The following CALCRL variants were observed in gnomAD, a reference collection of about 807,000 sequenced individuals.
The protein encoded by CALCRL is calcitonin receptor like receptor, also known as calcitonin gene-related peptide type 1 receptor.
In CALCRL, 27 loss-of-function variants were observed where a neutral mutation model predicts 60.4. That is an observed-to-expected ratio of 0.45 (90% CI 0.33 to 0.62). CALCRL has a LOEUF of 0.62. Among genes scored for constraint, CALCRL ranks in the 20% least tolerant of loss-of-function variants. CALCRL has a pLI of 0.03. For missense variants in CALCRL, 424 were observed against 540.7 expected, an observed-to-expected ratio of 0.78 and a Z score of 2.14; for synonymous variants, 190 against 182.6, an observed-to-expected ratio of 1.04 and a Z score of -0.33.
Position 187,378,989 on chromosome 2 carries a change from A to G in CALCRL, c.451T>C (p.Leu151=), listed in dbSNP as rs1483391527. ...GAGATAAGCAGTGATGCAATAGACA[A>G]TCCGTGTCCAATTATGGTCAGGTAA... ...LFYLTIIGHG[L]SIASLLISLG... is the part of the protein sequence containing the mutation. Residue 151 remains leucine, a synonymous_variant, in exon 8 of 15, where the codon TTG becomes CTG. Transcript: ENST00000392370. The G allele has an allele frequency of 1.2e-6, 2 of 1,608,400 alleles. No individual in the cohort carries two copies. Among genetic ancestry groups the G allele is most frequent in the Admixed American group, 3.3e-5 (2 of 59,966 alleles).
intron 1 of CALCRL, among the ~76,000 whole-genome samples, chr2:187,442,768 GCAAA>G (rs1443419467): frequency 6.6e-6 from 1 of 151,860 alleles, no homozygotes; most frequent in African/African-American, 2.4e-5. Flanking sequence ...CACACAAGTA[GCAAA>G]CAAATTTGTG....
chr2:187,354,936 G>C (rs1441958252), intron 12 of CALCRL, among the ~76,000 whole-genome samples: 1 of 151,904 alleles, frequency 6.6e-6, no homozygotes, highest in Non-Finnish European at 1.5e-5. Context: ...ATATTGTCTT[G>C]CATTTGTTCT....
intron 1 of CALCRL, among the ~76,000 whole-genome samples, chr2:187,403,923 GC>G (rs1355206967): frequency 5.3e-5 from 8 of 151,900 alleles, no homozygotes; most frequent in Non-Finnish European, 8.8e-5. Context: ...GCTGAATTAA[GC>G]TGTGCTTAAG....
chr2:187,390,641 T>G (rs1465033570), intron 1 of CALCRL, among the ~76,000 whole-genome samples: 2 of 152,168 alleles, frequency 1.3e-5, no homozygotes, highest in Non-Finnish European at 2.9e-5. Context: ...AATTAAAAAG[T>G]ATTCAACTCA....
chr2:187,359,472 G>A (rs554088529), intron 10 of CALCRL, among the ~76,000 whole-genome samples, 200 bp from the exon 11 acceptor site: 1 of 152,182 alleles, frequency 6.6e-6, no homozygotes, highest in South Asian at 2.1e-4. Context: ...TTGTGTTTGT[G>A]TGTTTATGTG....
intron 1 of CALCRL, among the ~76,000 whole-genome samples, chr2:187,402,017 AAGG>A (rs1197718798): frequency 6.6e-6 from 1 of 151,516 alleles, no homozygotes; most frequent in African/African-American, 2.4e-5. Context: ...GGCAGGAAGG[AAGG>A]AGAGAAATCA....
At chr2:187,348,942 A>C (rs535473451) in intron 14 of CALCRL, among the ~76,000 whole-genome samples, 1 of 151,852 alleles carries the variant, frequency 6.6e-6, no homozygotes, top group Admixed American at 6.6e-5. Flanking sequence ...ATGCATGACC[A>C]TGTATAAGTA....
chr2:187,352,525 T>A (rs1031010316), intron 12 of CALCRL, among the ~76,000 whole-genome samples, 193 bp from the exon 13 acceptor site: 2 of 151,804 alleles, frequency 1.3e-5, no homozygotes, highest in African/African-American at 4.8e-5. Context: ...GTACATCAAT[T>A]TTAATAAACA....
At chr2:187,423,350 C>CAAA (rs1689967719) in intron 1 of CALCRL, among the ~76,000 whole-genome samples, 1 of 150,288 alleles carries the variant, frequency 6.7e-6, no homozygotes, top group Non-Finnish European at 1.5e-5. Flanking sequence ...TTCAAAGTTA[C>CAAA]ATGTATGTAT....
intron 1 of CALCRL, among the ~76,000 whole-genome samples, chr2:187,405,136 T>G (rs1336166089): frequency 6.6e-6 from 1 of 152,012 alleles, no homozygotes; most frequent in Non-Finnish European, 1.5e-5. Context: ...CACAATTCCA[T>G]ATCACAAGGA....
In CALCRL at chr2:187,359,322, G is replaced by A. The variant is rs556270850; in HGVS notation, c.782-50C>T. 3.7e-6 allele frequency: 5 copies of A among 1,337,078 alleles called. No homozygotes were observed. The South Asian group carries it at 7.2e-5, about 19-fold the overall frequency. 82.8% of individuals were successfully genotyped at this position (1,337,078 alleles called of 1,614,324 possible). A position where few individuals can be genotyped will look rare whatever the true frequency, so the allele number is the denominator to read the frequency against. On this transcript the variant is annotated intron_variant, in intron 10 of 14. Transcript: ENST00000392370. ...ATAAATAGGCATTTTTTCTACAGAT[G>A]GTATTTCAAAAATATGTAATTAAAT...
intron 1 of CALCRL, among the ~76,000 whole-genome samples, chr2:187,432,384 T>C (rs1690442539): frequency 6.6e-6 from 1 of 152,120 alleles, no homozygotes; most frequent in South Asian, 2.1e-4. Flanking sequence ...ATAATGACAT[T>C]TGAAAGGCTT....
rs376007934 is a variant in CALCRL at position 187,372,448 on chromosome 2, C to A, written c.500+6492G>T. The stretch of plus-strand genomic sequence containing the variant: ...TCTCTTTTCCCCTCCCTCTCTGTTC[C>A]CTTTCTTTTTATCTCCTGCTCTGAC... On this transcript the variant is annotated intron_variant, in intron 8 of 14. Coordinates refer to ENST00000392370, the MANE Select transcript of CALCRL (RefSeq NM_005795.6). Among the ~76,000 whole-genome samples, 258 of 152,084 alleles carry A rather than the reference C, an allele frequency of 1.7e-3. 4 individuals carry two copies. The highest frequency in any genetic ancestry group is 6.0e-3 in the African/African-American group (247 of 41,498).
At chr2:187,420,453 A>AT (rs747319240) in intron 1 of CALCRL, among the ~76,000 whole-genome samples, 15 of 151,120 alleles carry the variant, frequency 9.9e-5, no homozygotes, top group South Asian at 6.3e-4. Context: ...TTCTTCTTTG[A>AT]TTTTTTTTTC....
chr2:187,399,672 A>G (rs2105820360), intron 1 of CALCRL, among the ~76,000 whole-genome samples: 1 of 151,710 alleles, frequency 6.6e-6, no homozygotes, highest in East Asian at 1.9e-4. Flanking sequence ...ACCCAATTAA[A>G]AAATGGGCAG....
intron 8 of CALCRL, among the ~76,000 whole-genome samples, chr2:187,368,238 T>G (rs1388673950): frequency 1.3e-5 from 2 of 152,088 alleles, no homozygotes; most frequent in African/African-American, 2.4e-5. Flanking sequence ...AGTTAGCTGT[T>G]GTTTTTTAGC....
chr2:187,390,296 G>A (rs986025657), intron 1 of CALCRL, among the ~76,000 whole-genome samples: 2 of 151,978 alleles, frequency 1.3e-5, no homozygotes, highest in African/African-American at 4.8e-5. Context: ...ATATTTTTCT[G>A]AATAAAAGTA....
chr2:187,357,488 C>T (rs1686846192), intron 12 of CALCRL, among the ~76,000 whole-genome samples: 3 of 134,880 alleles, frequency 2.2e-5, no homozygotes, highest in Non-Finnish European at 4.7e-5. Flanking sequence ...GAACATCATA[C>T]ACTGGGGCCT....
At chr2:187,433,835 T>A (rs1169798281) in intron 1 of CALCRL, among the ~76,000 whole-genome samples, 1 of 152,008 alleles carries the variant, frequency 6.6e-6, no homozygotes, top group Non-Finnish European at 1.5e-5. Context: ...ATTCAGCTGA[T>A]GCCTATAAAG....
Sources: allele counts gnomAD v4.1 joint callset (sites outside exome capture counted in the v4.1 genomes callset), GRCh38; gene constraint gnomAD v4.1.1; transcripts MANE v1.5; gene names NCBI Gene and HGNC (gene_info 2026-07-23, HGNC 2026-07-21).